The following SIPA1L2 variants were observed in gnomAD, a reference collection of about 807,000 sequenced individuals.
SIPA1L2 encodes the protein signal induced proliferation associated 1 like 2.
Under a neutral mutation model 163.9 loss-of-function variants are expected in SIPA1L2, and 56 were observed. The ratio of observed to expected loss-of-function variants is 0.34; its 90% CI spans 0.28 to 0.43. SIPA1L2 has a LOEUF of 0.43. Among genes scored for constraint, SIPA1L2 ranks in the 20% least tolerant of loss-of-function variants. The probability of loss-of-function intolerance (pLI) is 1.00; values close to 1 mark genes in which losing one functional copy is unlikely to be tolerated. For synonymous variants in SIPA1L2, 877 were observed against 865.7 expected (o/e 1.01, Z -0.23); for missense variants, 1,974 against 2,193.5 (o/e 0.90, Z 2.00).
chr1:232,499,314 A>G (rs1477138253), intron 3 of SIPA1L2, among the ~76,000 whole-genome samples: 1 of 152,222 alleles, frequency 6.6e-6, no homozygotes, highest in Non-Finnish European at 1.5e-5. Flanking sequence ...AGTGAATGCA[A>G]AGAAAAAGTT....
chr1:232,450,467 C>T (rs1287938358), intron 10 of SIPA1L2, among the ~76,000 whole-genome samples: 2 of 152,170 alleles, frequency 1.3e-5, no homozygotes, highest in African/African-American at 4.8e-5. Context: ...TTTTGTCTTC[C>T]ACTCAAATCG....
intron 15 of SIPA1L2, among the ~76,000 whole-genome samples, chr1:232,433,627 C>T (rs1222670641): frequency 6.6e-6 from 1 of 152,158 alleles, no homozygotes; most frequent in African/African-American, 2.4e-5. Context: ...GACTACCCAC[C>T]CCCGGCTGAC....
intron 10 of SIPA1L2, 58 bp from the exon 11 acceptor site, chr1:232,445,844 G>A: frequency 1.3e-6 from 2 of 1,571,434 alleles, no homozygotes; most frequent in Non-Finnish European, 1.7e-6. Flanking sequence ...TGTCAGCATG[G>A]CTTACTCACA....
chr1:232,402,315 T>C, intron 22 of SIPA1L2, 77 bp downstream of exon 22: 1 of 1,332,696 alleles, frequency 7.5e-7, no homozygotes, highest in East Asian at 2.4e-5. Context: ...CTGAGTCTTT[T>C]CAATTTATCT....
intron 10 of SIPA1L2, among the ~76,000 whole-genome samples, chr1:232,447,484 T>C (rs1029748095): frequency 1.3e-5 from 2 of 152,212 alleles, no homozygotes; most frequent in Non-Finnish European, 2.9e-5. Context: ...TGGCAAGCCA[T>C]GGTACAATTT....
intron 14 of SIPA1L2, among the ~76,000 whole-genome samples, chr1:232,440,738 T>C (rs1662841165): frequency 6.6e-6 from 1 of 152,250 alleles, no homozygotes; most frequent in South Asian, 2.1e-4. Flanking sequence ...TGCATTTCAA[T>C]GGAAGTTTTG....
intron 2 of SIPA1L2, among the ~76,000 whole-genome samples, chr1:232,542,086 G>A (rs1007205720): frequency 1.3e-5 from 2 of 152,182 alleles, no homozygotes; most frequent in Admixed American, 6.5e-5. Flanking sequence ...AGTGAATGAT[G>A]TAATGATTTA....
chr1:232,563,956 C>CGTGTGTGTGTGT (rs34854572), intron 2 of SIPA1L2, among the ~76,000 whole-genome samples: 7 of 72,214 alleles, frequency 9.7e-5, no homozygotes, highest in African/African-American at 3.9e-4. Context: ...TTTTTTTTTT[C>CGTGTGTGTGTGT]GTGTGTGTGT....
chr1:232,611,548 C>A (rs113235242), intron 1 of SIPA1L2, among the ~76,000 whole-genome samples: 17 of 152,262 alleles, frequency 1.1e-4, no homozygotes, highest in African/African-American at 4.1e-4. Context: ...GGAACTGGAG[C>A]AAAGGTGACT....
At chr1:232,464,183 C>T (rs1050822434) in intron 9 of SIPA1L2, among the ~76,000 whole-genome samples, 6 of 152,108 alleles carry the variant, frequency 3.9e-5, no homozygotes, top group African/African-American at 1.4e-4. Flanking sequence ...ATTTTATATG[C>T]TCAAACTAAA....
rs1663174541 is a variant in SIPA1L2 at position 232,445,698 on chromosome 1, T to C, written c.3184A>G (p.Arg1062Gly). 6.2e-7 allele frequency: 1 copy of C among 1,613,660 alleles called. No homozygotes were observed. The highest frequency in any genetic ancestry group is 1.1e-5 in the South Asian group (1 of 91,026). Reference sequence around the variant, plus strand: ...GGCACCCGGTGCCACGTGGTGTTCCTCCTGAAGGGGGTTTTATACTCGCAG... The same window carrying C: ...GGCACCCGGTGCCACGTGGTGTTCCCCCTGAAGGGGGTTTTATACTCGCAG... The part of the protein sequence containing the change: ...TPCEYKTPFR[R>G]NTTWHRVPTP... Residue 1062 changes from arginine to glycine, a missense_variant, in exon 11 of 23, where the codon AGG becomes GGG. Transcript: ENST00000674635.
chr1:232,566,250 G>A (rs1158404516), intron 2 of SIPA1L2, among the ~76,000 whole-genome samples: 1 of 152,208 alleles, frequency 6.6e-6, no homozygotes, highest in African/African-American at 2.4e-5. Flanking sequence ...ACCTCAGAAA[G>A]TGCTTTCATT....
chr1:232,528,103 A>ATATATATATATATATATATCG (rs1558246735), intron 2 of SIPA1L2, among the ~76,000 whole-genome samples: 20 of 51,730 alleles, frequency 3.9e-4, no homozygotes, highest in African/African-American at 1.3e-3. Context: ...TATATATATA[A>ATATATATATATATATATATCG]TCAACTTTCT....
At chr1:232,451,297 C>T (rs968023493) in intron 10 of SIPA1L2, among the ~76,000 whole-genome samples, 2 of 152,186 alleles carry the variant, frequency 1.3e-5, no homozygotes, top group African/African-American at 4.8e-5. Context: ...GAGAAGTCCT[C>T]ATGCTGCAGT....
At chr1:232,564,876 A>G (rs1194900554) in intron 2 of SIPA1L2, among the ~76,000 whole-genome samples, 1 of 152,080 alleles carries the variant, frequency 6.6e-6, no homozygotes, top group African/African-American at 2.4e-5. Flanking sequence ...AGGGAGGGGA[A>G]TGACACACAC....
intron 3 of SIPA1L2, among the ~76,000 whole-genome samples, chr1:232,512,795 C>T (rs899783922): frequency 2.0e-5 from 3 of 151,952 alleles, no homozygotes; most frequent in Non-Finnish European, 2.9e-5. Context: ...TATCCCAGAA[C>T]TTAAAGTAAA....
intron 18 of SIPA1L2, among the ~76,000 whole-genome samples, chr1:232,418,073 A>G (rs1195494223): frequency 2.6e-5 from 4 of 152,226 alleles, no homozygotes; most frequent in Non-Finnish European, 5.9e-5. Flanking sequence ...CCTTGTGTTT[A>G]TAAAGAAACA....
At chr1:232,428,843 G>A (rs886158100) in intron 16 of SIPA1L2, among the ~76,000 whole-genome samples, 3 of 152,028 alleles carry the variant, frequency 2.0e-5, no homozygotes, top group East Asian at 1.9e-4. Flanking sequence ...TTTAAAATAC[G>A]GCTGTGTTTT....
chr1:232,442,152 C>T (rs966408906), intron 12 of SIPA1L2, among the ~76,000 whole-genome samples: 3 of 151,978 alleles, frequency 2.0e-5, no homozygotes, highest in African/African-American at 7.3e-5. Context: ...GAAGGACTGT[C>T]CAGGATCAAA....
Sources: gnomAD v4.1 joint callset for allele counts (sites outside exome capture counted in the v4.1 genomes callset) on GRCh38, gnomAD v4.1.1 for gene constraint, MANE v1.5 for transcripts, NCBI Gene and HGNC (gene_info 2026-07-23, HGNC 2026-07-21) for gene names.